Variants in KLC1 observed in about 807,000 individuals in gnomAD.
KLC1 encodes the protein kinesin light chain 1, also known as kinesin 2 60/70kDa.
A neutral mutation model predicts 84.2 loss-of-function variants in KLC1; 30 were observed. The ratio of observed to expected loss-of-function variants is 0.36; its 90% CI spans 0.27 to 0.48. The LOEUF is 0.48. Among genes scored for constraint, KLC1 ranks in the 20% least tolerant of loss-of-function variants. KLC1 has a pLI of 0.99. For synonymous variants in KLC1, 289 were observed against 293.3 expected (o/e 0.99, Z 0.15); for missense variants, 499 against 805.4 (o/e 0.62, Z 4.60).
chr14:103,687,625 T>C (rs946168271), intron 14 of KLC1: 1 of 153,454 alleles, frequency 6.5e-6, no homozygotes, highest in African/African-American at 2.4e-5. Flanking sequence ...AGATGTTAGC[T>C]ATGACTATAT....
chr14:103,641,211 C>G (rs1413615196), intron 1 of KLC1, among the ~76,000 whole-genome samples: 1 of 152,202 alleles, frequency 6.6e-6, no homozygotes, highest in Non-Finnish European at 1.5e-5. Context: ...GTGTGAGTCA[C>G]TGTGCCCAGC....
chr14:103,693,650 AGT>A lies in KLC1; in HGVS notation c.1848+1229_1848+1230del. ...GCAGGGCTAGGTAACCTGTCTTGGG[AGT>A]GTGAGACCGCCCCGCCCTGCCACGC... On this transcript the variant is annotated intron_variant, in intron 15 of 16. Coordinates refer to ENST00000334553, the MANE Select transcript of KLC1 (RefSeq NM_001394837.1). This position sits in a 1 kb window ranked among gnomAD's most constrained non-coding sequence, Gnocchi z 5.1. The A allele has an allele frequency of 6.5e-7, 1 of 1,533,208 alleles. No homozygotes were observed. The highest frequency in any genetic ancestry group is 8.7e-7 in the Non-Finnish European group (1 of 1,145,452). 95.0% of individuals were successfully genotyped at this position (1,533,208 alleles called of 1,614,324 possible). A position where few individuals can be genotyped will look rare whatever the true frequency, so the allele number is the denominator to read the frequency against.
At chr14:103,671,714 C>T (rs1310191606) in intron 7 of KLC1, among the ~76,000 whole-genome samples, 2 of 152,116 alleles carry the variant, frequency 1.3e-5, no homozygotes, top group Non-Finnish European at 2.9e-5. Flanking sequence ...GATTATTTAT[C>T]AGTGATTCTT....
At chr14:103,631,241 C>T (rs907255306) in intron 1 of KLC1, among the ~76,000 whole-genome samples, 4 of 151,992 alleles carry the variant, frequency 2.6e-5, no homozygotes, top group Non-Finnish European at 5.9e-5. Context: ...CCACCACGCC[C>T]GGTTAATTTT....
intron 1 of KLC1, among the ~76,000 whole-genome samples, chr14:103,641,469 TG>T (rs1418558665): frequency 6.6e-6 from 1 of 152,192 alleles, no homozygotes; most frequent in African/African-American, 2.4e-5. Context: ...GCTGGAAGTC[TG>T]GGATCAGGGT....
chr14:103,699,269 C>T, intron 15 of KLC1: 2 of 1,540,282 alleles, frequency 1.3e-6, no homozygotes, highest in Non-Finnish European at 1.7e-6. Context: ...CCGGAGGCCA[C>T]CTCACTGCCA....
intron 1 of KLC1, among the ~76,000 whole-genome samples, chr14:103,649,019 C>T (rs1401127207): frequency 6.6e-6 from 1 of 151,810 alleles, no homozygotes; most frequent in Non-Finnish European, 1.5e-5. Flanking sequence ...TGCCTGTAGT[C>T]CCAGCTACTT....
rs111382710 is a variant in KLC1, at chr14:103,685,201, G to A, written c.1651-1880G>A. On this transcript the variant is annotated intron_variant, in intron 13 of 16. Coordinates refer to ENST00000334553, the MANE Select transcript of KLC1 (RefSeq NM_001394837.1). ...AATGGGCTGTAGACTTTTAAAGTCC[G>A]TGGTTTCCTAAAGTTTCTGAAATGT... is the stretch of plus-strand genomic sequence containing the variant. 981 of 1,426,742 alleles carry A rather than the reference G, an allele frequency of 6.9e-4. 5 individuals are homozygous for A. Among genetic ancestry groups the A allele is most frequent in the African/African-American group, 3.6e-3 (247 of 69,502 alleles). The allele number at this position is 1,426,742 out of a possible 1,614,324, so 88.4% of individuals were successfully genotyped here. A position where few individuals can be genotyped will look rare whatever the true frequency, so the allele number is the denominator to read the frequency against.
At position 103,693,712 on chromosome 14, in the gene KLC1, T is replaced by C; in HGVS notation, c.1848+1287T>C. 1 of 1,488,988 alleles carries C rather than the reference T, an allele frequency of 6.7e-7. No individual in the cohort carries two copies. The highest frequency in any genetic ancestry group is 8.9e-7 in the Non-Finnish European group (1 of 1,123,434). 92.2% of individuals were successfully genotyped at this position (1,488,988 alleles called of 1,614,324 possible). On this transcript the variant is annotated intron_variant, in intron 15 of 16. Coordinates refer to ENST00000334553, the MANE Select transcript of KLC1 (RefSeq NM_001394837.1). This position sits in a 1 kb window ranked among gnomAD's most constrained non-coding sequence, Gnocchi z 5.1. ...CCCTGCCCGGAGGCGCCAGCCGCAC[T>C]CCTTGGCTTCCTTTCCTAGATAGTG...
At chr14:103,673,854 C>T (rs892079868) in intron 9 of KLC1, among the ~76,000 whole-genome samples, 1 of 151,722 alleles carries the variant, frequency 6.6e-6, no homozygotes, top group Non-Finnish European at 1.5e-5. Flanking sequence ...ACCCGGGAGG[C>T]GGATCTTGCA....
chr14:103,653,404 C>T lies in KLC1; in HGVS notation c.-1-1160C>T, dbSNP rs141800940. ...TAGTGAGATCTTGGCTCACTGCAAC[C>T]TCTGCCTCCCGGGCTCAAGTGATTC... is the stretch of plus-strand genomic sequence containing the variant. On this transcript the variant is annotated intron_variant, in intron 1 of 16. Transcript: ENST00000334553. Among the ~76,000 whole-genome samples the T allele has an allele frequency of 8.5e-5, 13 of 152,300 alleles. No homozygotes were observed. In the East Asian group the frequency reaches 2.5e-3, roughly 29 times the overall value.
At chr14:103,654,294 T>A (rs2078684840) in intron 1 of KLC1, among the ~76,000 whole-genome samples, 1 of 152,232 alleles carries the variant, frequency 6.6e-6, no homozygotes, top group East Asian at 1.9e-4. Context: ...GGAAATGCCA[T>A]TTAGATGTTT....
chr14:103,677,652 A>C (rs2081010722), intron 12 of KLC1, 129 bp downstream of exon 12: 1 of 674,312 alleles, frequency 1.5e-6, no homozygotes, highest in African/African-American at 1.8e-5. Flanking sequence ...GAACAAATAA[A>C]GTTATATTGT....
chr14:103,682,984 C>T lies in KLC1; in HGVS notation c.1650+3439C>T, dbSNP rs554620200. The T allele has an allele frequency of 7.9e-5, 12 of 152,230 alleles. No homozygotes were observed. The South Asian group carries it at 2.3e-3, about 29-fold the overall frequency. The allele number at this position is 152,230 out of a possible 1,614,324, so 9.4% of individuals were successfully genotyped here. A position where few individuals can be genotyped will look rare whatever the true frequency, so the allele number is the denominator to read the frequency against. ...CCTCCCTGTTGGGAAGTTACAGCTT[C>T]AGCAGAAGTGACTGCCAGGAATGAA... On this transcript the variant is annotated intron_variant, in intron 13 of 16. Transcript: ENST00000334553.
chr14:103,670,756 A>G (rs918584911), intron 7 of KLC1, among the ~76,000 whole-genome samples: 1 of 152,070 alleles, frequency 6.6e-6, no homozygotes, highest in African/African-American at 2.4e-5. Context: ...CCACAAAACA[A>G]AGCCAGATTG....
intron 5 of KLC1, among the ~76,000 whole-genome samples, chr14:103,666,777 C>CTT (rs67276843): frequency 1.8e-5 from 2 of 111,668 alleles, no homozygotes; most frequent in Non-Finnish European, 3.7e-5. Context: ...TTTTTTCTTT[C>CTT]TTTTTTTTTT....
intron 5 of KLC1, among the ~76,000 whole-genome samples, chr14:103,664,210 G>C (rs1397450767): frequency 1.3e-5 from 2 of 152,110 alleles, no homozygotes; most frequent in African/African-American, 4.8e-5. Flanking sequence ...GGAGTGCAGT[G>C]GTGCAATCTC....
chr14:103,645,492 TTGTG>T (rs963065236), intron 1 of KLC1, among the ~76,000 whole-genome samples: 1 of 152,122 alleles, frequency 6.6e-6, no homozygotes, highest in African/African-American at 2.4e-5. Context: ...CCTAATGCAG[TTGTG>T]TGTGTGTTAT....
chr14:103,645,098 C>CA (rs1567010935), intron 1 of KLC1, among the ~76,000 whole-genome samples: 1 of 152,142 alleles, frequency 6.6e-6, no homozygotes, highest in Non-Finnish European at 1.5e-5. Context: ...CTCAGCCTCT[C>CA]AAGTAACTGG....
Sources: gnomAD v4.1 joint callset for allele counts (sites outside exome capture counted in the v4.1 genomes callset) on GRCh38, gnomAD v4.1.1 for gene constraint, Gnocchi (gnomAD v3.1) non-coding constraint, MANE v1.5 for transcripts, NCBI Gene and HGNC (gene_info 2026-07-23, HGNC 2026-07-21) for gene names.